PCDH11X: variants seen among roughly 807,000 people sequenced by gnomAD.
PCDH11X encodes protocadherin-11 X-linked.
A neutral mutation model predicts 53.3 loss-of-function variants in PCDH11X; 18 were observed. That is an observed-to-expected ratio of 0.34 (90% confidence interval 0.23 to 0.50). The LOEUF (loss-of-function observed/expected upper bound fraction) is 0.50. Ranked by LOEUF, PCDH11X falls within the 20% of genes least tolerant of loss-of-function variation. PCDH11X has a pLI of 0.98. For synonymous variants in PCDH11X, 279 were observed against 393.3 expected, an observed-to-expected ratio of 0.71 and a Z score of 3.44; for missense variants, 570 against 1,032.4, an observed-to-expected ratio of 0.55 and a Z score of 6.14.
At chrX:92,034,587 A>G (rs2063100853) in intron 6 of PCDH11X, among the ~76,000 whole-genome samples, 1 of 107,127 alleles carries the variant, frequency 9.3e-6, no homozygotes, top group African/African-American at 3.5e-5. Context: ...TTCCATTGAC[A>G]CAGAATATCT....
intron 1 of PCDH11X, among the ~76,000 whole-genome samples, chrX:91,780,130 G>T (rs1388486756): frequency 1.8e-5 from 2 of 111,885 alleles, no homozygotes; most frequent in Non-Finnish European, 3.8e-5. Flanking sequence ...GAGCTGAGGG[G>T]CGATGCCTCT....
chrX:92,409,947 A>AT (rs1426899971), intron 9 of PCDH11X, among the ~76,000 whole-genome samples: 1 of 111,729 alleles, frequency 9.0e-6, no homozygotes, highest in African/African-American at 3.2e-5. Flanking sequence ...TTTAAAGCCT[A>AT]TTTTTTTAGC....
intron 1 of PCDH11X, among the ~76,000 whole-genome samples, chrX:91,793,998 C>A (rs181403808): frequency 3.6e-5 from 4 of 111,019 alleles, no homozygotes; most frequent in African/African-American, 1.3e-4. Context: ...GAGAAGCAAA[C>A]CCTGTTTAGT....
chrX:92,239,179 C>A (rs1397699021), intron 7 of PCDH11X, among the ~76,000 whole-genome samples: 1 of 111,398 alleles, frequency 9.0e-6, no homozygotes, highest in Non-Finnish European at 1.9e-5. Flanking sequence ...ACTCAAGAAG[C>A]AAGAAGATGA....
At chrX:92,092,109 T>C (rs979079439) in intron 6 of PCDH11X, among the ~76,000 whole-genome samples, 32 of 111,800 alleles carry the variant, frequency 2.9e-4, no homozygotes, top group African/African-American at 1.0e-3. Context: ...ATGGAATTTA[T>C]GGTTTGTAGG....
intron 6 of PCDH11X, among the ~76,000 whole-genome samples, chrX:92,130,355 T>G (rs1313762047): frequency 9.0e-6 from 1 of 110,745 alleles, no homozygotes; most frequent in South Asian, 3.8e-4. Context: ...TAAAAAAAAT[T>G]TATTATTGAG....
At chrX:92,270,727 C>T (rs763513437) in intron 8 of PCDH11X, among the ~76,000 whole-genome samples, 1 of 111,766 alleles carries the variant, frequency 8.9e-6, no homozygotes, top group Non-Finnish European at 1.9e-5. Context: ...ATATATTATT[C>T]TCAAACTCAG....
chrX:91,890,628 A>G (rs1383068797), intron 6 of PCDH11X, among the ~76,000 whole-genome samples: 1 of 110,579 alleles, frequency 9.0e-6, no homozygotes, highest in Admixed American at 9.8e-5. Context: ...GTTATAACTA[A>G]AATATATCCA....
chrX:92,149,737 C>T (rs112991107), intron 6 of PCDH11X, among the ~76,000 whole-genome samples: 8,249 of 110,386 alleles, frequency 0.075, 771 homozygotes, highest in African/African-American at 0.26. Context: ...TACCCTTTTG[C>T]AATACTTTCC....
At chrX:92,362,027 G>A (rs34424117) in intron 8 of PCDH11X, among the ~76,000 whole-genome samples, 7 of 110,858 alleles carry the variant, frequency 6.3e-5, no homozygotes, top group African/African-American at 9.8e-5. Flanking sequence ...ACCACATTTC[G>A]TTTATCCACT....
intron 8 of PCDH11X, among the ~76,000 whole-genome samples, chrX:92,309,400 G>T (rs941963961): frequency 9.0e-6 from 1 of 111,576 alleles, no homozygotes; most frequent in Admixed American, 9.6e-5. Context: ...ACAAAAGGAC[G>T]AATACTGGAT....
intron 8 of PCDH11X, among the ~76,000 whole-genome samples, 185 bp downstream of exon 8, chrX:92,263,328 A>G (rs760335431): frequency 1.8e-5 from 2 of 111,600 alleles, no homozygotes; most frequent in African/African-American, 6.5e-5. Flanking sequence ...TCTGGAAACA[A>G]TTTCGAGTCT....
chrX:92,034,845 C>T (rs1467607277), intron 6 of PCDH11X, among the ~76,000 whole-genome samples: 1 of 107,528 alleles, frequency 9.3e-6, no homozygotes, highest in African/African-American at 3.4e-5. Context: ...TCCTGTCTTA[C>T]TTTTACTGAA....
intron 6 of PCDH11X, among the ~76,000 whole-genome samples, chrX:92,157,714 AG>A (rs1412200068): frequency 8.9e-6 from 1 of 111,936 alleles, no homozygotes; most frequent in Non-Finnish European, 1.9e-5. Context: ...TTAGAAGCTC[AG>A]TTTGAATTTA....
intron 5 of PCDH11X, among the ~76,000 whole-genome samples, chrX:91,871,219 C>T (rs1403077288): frequency 9.1e-6 from 1 of 110,205 alleles, no homozygotes; most frequent in Non-Finnish European, 1.9e-5. Context: ...TAAAGTATTT[C>T]CTTAATGTTT....
chrX:92,461,707 A>G (rs2073049421), intron 9 of PCDH11X, among the ~76,000 whole-genome samples: 1 of 111,268 alleles, frequency 9.0e-6, no homozygotes, highest in South Asian at 3.8e-4. Flanking sequence ...AAATGGACAA[A>G]TGGGATCACA....
intron 8 of PCDH11X, among the ~76,000 whole-genome samples, chrX:92,321,348 A>G (rs2069202865): frequency 1.9e-5 from 2 of 107,665 alleles, no homozygotes; most frequent in Non-Finnish European, 3.8e-5. Context: ...GCCTGCCACC[A>G]TGCCCAGCTA....
In PCDH11X at chrX:92,528,859, C is replaced by A. The variant is rs1041741081; in HGVS notation, c.3367+60537C>A. On this transcript the variant is annotated intron_variant, in intron 10 of 10. Coordinates refer to ENST00000682573, the MANE Select transcript of PCDH11X (RefSeq NM_032968.5). The stretch of plus-strand genomic sequence containing the variant: ...AAATGAGAATATCAGCATTAAGACC[C>A]AGAAAATAAGGTGCATGTTAAGCCC... Among the ~76,000 whole-genome samples, 56 of 110,593 alleles carry A rather than the reference C, an allele frequency of 5.1e-4. 1 individual carries two copies. The highest frequency in any genetic ancestry group is 9.4e-4 in the Non-Finnish European group (50 of 52,932).
intron 6 of PCDH11X, chrX:91,982,851 C>A: frequency 1.1e-6 from 1 of 901,973 alleles, no homozygotes; most frequent in Non-Finnish European, 1.6e-6. Context: ...TATTTCGAAA[C>A]GCGTGTTACT....
Sources: gnomAD v4.1 joint callset for allele counts (sites outside exome capture counted in the v4.1 genomes callset) on GRCh38, gnomAD v4.1.1 for gene constraint, MANE v1.5 for transcripts, NCBI Gene and HGNC (gene_info 2026-07-23, HGNC 2026-07-21) for gene names.